The following ERC1 variants were observed in gnomAD, a reference collection of about 807,000 sequenced individuals.
ERC1 encodes RAB6 interacting protein 2.
ERC1 carries 56 observed loss-of-function variants against 132.0 expected under a neutral mutation model. That is an observed-to-expected ratio of 0.42 (90% CI 0.34 to 0.53). The LOEUF is 0.53. Ranked by LOEUF, ERC1 falls within the 20% of genes least tolerant of loss-of-function variation. The pLI is 0.03. For synonymous variants in ERC1, 478 were observed against 476.1 expected, an observed-to-expected ratio of 1.00 and a Z score of -0.05; for missense variants, 1,202 against 1,349.9, an observed-to-expected ratio of 0.89 and a Z score of 1.72.
chr12:1,448,442 G>A (rs568200896), intron 18 of ERC1, among the ~76,000 whole-genome samples: 3 of 152,334 alleles, frequency 2.0e-5, no homozygotes, highest in African/African-American at 7.2e-5. Flanking sequence ...AGGAAGTAAT[G>A]TAGGCTGTCT....
intron 7 of ERC1, among the ~76,000 whole-genome samples, chr12:1,122,515 G>C (rs368680187): frequency 7.9e-5 from 3 of 38,190 alleles, no homozygotes; most frequent in African/African-American, 4.2e-4. Context: ...ATCTCTATCT[G>C]TGTCTCTATC....
At chr12:1,097,804 C>T (rs900578840) in intron 3 of ERC1, among the ~76,000 whole-genome samples, 24 of 151,536 alleles carry the variant, frequency 1.6e-4, no homozygotes, top group African/African-American at 5.8e-4. Flanking sequence ...AACCTCTGCC[C>T]CCCAGGTTCA....
chr12:1,301,961 C>G (rs1330652468), intron 15 of ERC1, among the ~76,000 whole-genome samples: 1 of 152,122 alleles, frequency 6.6e-6, no homozygotes, highest in Non-Finnish European at 1.5e-5. Flanking sequence ...GAAACTCATT[C>G]ACAAAATAAA....
At chr12:1,454,291 T>A (rs1042873496) in intron 18 of ERC1, among the ~76,000 whole-genome samples, 3 of 152,240 alleles carry the variant, frequency 2.0e-5, no homozygotes, top group African/African-American at 7.2e-5. Context: ...CCGGTTCATT[T>A]GTGTTATCCT....
At position 1,141,795 on chromosome 12, in the gene ERC1, A is replaced by G. The variant is rs1489897986; in HGVS notation, c.1737+8A>G. 3.2e-6 allele frequency: 5 copies of G among 1,560,994 alleles called. No homozygotes were observed. The East Asian group carries it at 1.2e-4, about 36-fold the overall frequency. On this transcript the variant is annotated splice_region_variant and intron_variant, in intron 8 of 18. Transcript: ENST00000360905. ...AATGTTCTTCAGAAGAAGGTAAGGT[A>G]CAGGTGTTTCGAGTTCAGTGGCCCA...
chr12:1,312,056 A>G (rs1336988100), intron 15 of ERC1, among the ~76,000 whole-genome samples: 2 of 152,228 alleles, frequency 1.3e-5, no homozygotes, highest in Admixed American at 1.3e-4. Flanking sequence ...GGGGTTGGAC[A>G]GCATAATTTC....
chr12:1,480,065 G>A (rs1439377724), intron 18 of ERC1, among the ~76,000 whole-genome samples: 1 of 149,596 alleles, frequency 6.7e-6, no homozygotes. Context: ...GAGTATCTTG[G>A]TTAAAGTAAG....
intron 15 of ERC1, among the ~76,000 whole-genome samples, chr12:1,323,567 T>A (rs73034949): frequency 0.035 from 5,260 of 152,294 alleles, 95 homozygotes; most frequent in Middle Eastern, 0.075. Flanking sequence ...TCAAATGCTA[T>A]GTTTGTACAA....
intron 18 of ERC1, among the ~76,000 whole-genome samples, chr12:1,482,796 C>A (rs1215696027): frequency 2.0e-5 from 3 of 152,136 alleles, no homozygotes; most frequent in Non-Finnish European, 4.4e-5. Flanking sequence ...TACAACTCAC[C>A]CATTGCAAGT....
At chr12:1,139,886 T>A (rs1009045301) in intron 7 of ERC1, among the ~76,000 whole-genome samples, 14 of 152,122 alleles carry the variant, frequency 9.2e-5, no homozygotes, top group Middle Eastern at 3.4e-3. Context: ...AGAACAGTAT[T>A]TGTGATTCAG....
chr12:1,448,871 C>G (rs1181669728), intron 18 of ERC1, among the ~76,000 whole-genome samples: 1 of 152,244 alleles, frequency 6.6e-6, no homozygotes, highest in Non-Finnish European at 1.5e-5. Flanking sequence ...TGGTTTGCAC[C>G]TTGCGCCGGG....
chr12:1,178,088 A>G (rs1474075388), intron 8 of ERC1, among the ~76,000 whole-genome samples: 3 of 152,212 alleles, frequency 2.0e-5, no homozygotes, highest in African/African-American at 7.2e-5. Context: ...TTTGTTAACA[A>G]GTGAAAATGT....
At position 1,418,609 on chromosome 12, in the gene ERC1, TTC is replaced by T. The variant is rs1375952330; in HGVS notation, c.3024+10364_3024+10365del. On this transcript the variant is annotated intron_variant, in intron 17 of 18. Transcript: ENST00000360905. ...TCTTTCTCTTTCTTTCTTTCTTTCT[TTC>T]TTTCTTTCTTTCTTTCTTTCTTTCT... is the stretch of plus-strand genomic sequence containing the variant. Among the ~76,000 whole-genome samples, 352 of 99,062 alleles carry T rather than the reference TTC, an allele frequency of 3.6e-3. 6 individuals are homozygous for T. Among genetic ancestry groups the T allele is most frequent in the African/African-American group, 0.02 (342 of 16,890 alleles). The allele number at this position is 99,062 out of a possible 152,430, so 65.0% of individuals were successfully genotyped here.
At chr12:998,142 C>G (rs1401847850) in intron 1 of ERC1, among the ~76,000 whole-genome samples, 4 of 152,192 alleles carry the variant, frequency 2.6e-5, no homozygotes, top group Non-Finnish European at 4.4e-5. Context: ...CAACCTATTT[C>G]TGTCTTGTTT....
intron 16 of ERC1, among the ~76,000 whole-genome samples, chr12:1,394,196 C>G (rs7301106): frequency 6.8e-4 from 101 of 149,504 alleles, no homozygotes; most frequent in East Asian, 1.4e-3. Context: ...GTCAGGAGAT[C>G]GAGACCATCC....
intron 8 of ERC1, among the ~76,000 whole-genome samples, chr12:1,156,166 T>G (rs1235284114): frequency 1.3e-5 from 2 of 152,180 alleles, no homozygotes; most frequent in East Asian, 3.8e-4. Context: ...GAATCATACT[T>G]CTACCATAAT....
chr12:1,006,293 C>G (rs962556596), intron 1 of ERC1, among the ~76,000 whole-genome samples: 13 of 152,240 alleles, frequency 8.5e-5, no homozygotes, highest in African/African-American at 3.1e-4. Context: ...ATTTTTCTCG[C>G]TCAGGCTGGA....
At chr12:1,116,593 C>T (rs7304778) in intron 7 of ERC1, among the ~76,000 whole-genome samples, 1 of 149,484 alleles carries the variant, frequency 6.7e-6, no homozygotes, top group African/African-American at 2.5e-5. Flanking sequence ...TTGAGATGGC[C>T]TCTCGCTCTG....
intron 2 of ERC1, among the ~76,000 whole-genome samples, chr12:1,059,476 A>T (rs1973613556): frequency 6.6e-6 from 1 of 152,120 alleles, no homozygotes; most frequent in African/African-American, 2.4e-5. Flanking sequence ...TCACTTTGTC[A>T]TATGTGGCCT....
Sources: allele counts gnomAD v4.1 joint callset (sites outside exome capture counted in the v4.1 genomes callset), GRCh38; gene constraint gnomAD v4.1.1; transcripts MANE v1.5; gene names NCBI Gene and HGNC (gene_info 2026-07-23, HGNC 2026-07-21).